The following CBFA2T2 variants were observed in gnomAD, a reference collection of about 807,000 sequenced individuals.
CBFA2T2 encodes protein CBFA2T2.
A neutral mutation model predicts 62.2 loss-of-function variants in CBFA2T2; 11 were observed. That is an observed-to-expected ratio of 0.18 (90% CI 0.11 to 0.29). CBFA2T2 has a LOEUF of 0.29. CBFA2T2 is among the 10% of genes least tolerant of loss of function. The pLI is 1.00. For synonymous variants in CBFA2T2, 295 were observed against 287.5 expected, an observed-to-expected ratio of 1.03 and a Z score of -0.27; for missense variants, 592 against 774.1, an observed-to-expected ratio of 0.76 and a Z score of 2.79.
intron 1 of CBFA2T2, among the ~76,000 whole-genome samples, chr20:33,517,083 C>T (rs1254078744): frequency 6.6e-6 from 1 of 152,202 alleles, no homozygotes; most frequent in African/African-American, 2.4e-5. Context: ...AAGCACCATT[C>T]ACATCCTTTT....
intron 1 of CBFA2T2, among the ~76,000 whole-genome samples, chr20:33,576,042 C>T (rs1422287027): frequency 6.6e-6 from 1 of 152,118 alleles, no homozygotes; most frequent in African/African-American, 2.4e-5. Flanking sequence ...CCACCTTGGC[C>T]TCCCAAAGTG....
chr20:33,621,549 C>G (rs1430535536), intron 4 of CBFA2T2, among the ~76,000 whole-genome samples: 1 of 152,058 alleles, frequency 6.6e-6, no homozygotes, highest in Non-Finnish European at 1.5e-5. Flanking sequence ...GATCCACCCT[C>G]CTTGGCCTCC....
chr20:33,562,433 G>T, intron 1 of CBFA2T2: 1 of 985,894 alleles, frequency 1.0e-6, no homozygotes, highest in Non-Finnish European at 1.2e-6. Context: ...GGTCTGTTTG[G>T]CAGGACCTTC....
chr20:33,530,078 C>T (rs2012015454), intron 1 of CBFA2T2, among the ~76,000 whole-genome samples: 1 of 151,880 alleles, frequency 6.6e-6, no homozygotes, highest in South Asian at 2.1e-4. Flanking sequence ...TGAGCCACCT[C>T]GCCTGGCCTA....
intron 1 of CBFA2T2, among the ~76,000 whole-genome samples, chr20:33,606,195 C>T (rs1316526702): frequency 6.6e-6 from 1 of 152,012 alleles, no homozygotes; most frequent in Non-Finnish European, 1.5e-5. Context: ...TAGATAGTTC[C>T]CATGTTAGCT....
intron 4 of CBFA2T2, among the ~76,000 whole-genome samples, 170 bp from the exon 5 acceptor site, chr20:33,622,945 C>A (rs949649294): frequency 2.6e-5 from 4 of 152,210 alleles, no homozygotes; most frequent in African/African-American, 9.6e-5. Flanking sequence ...ACCAGTAATT[C>A]AAGTGCAGTA....
rs1005710258 is a variant in CBFA2T2, at chr20:33,647,534, T to G, written c.*2888T>G. ...CCGGACCTCAGGTGATCCCCCCACC[T>G]TGGCCTCCCAAAGTGCCAGGATTAC... On this transcript the variant is annotated 3_prime_UTR_variant, in exon 11 of 11. Coordinates refer to ENST00000342704, the MANE Select transcript of CBFA2T2 (RefSeq NM_001032999.3). 4.6e-5 allele frequency: 7 copies of G among 152,314 alleles called. No individual in the cohort carries two copies. The highest frequency in any genetic ancestry group is 4.6e-4 in the Admixed American group (7 of 15,304). 9.4% of individuals were successfully genotyped at this position (152,314 alleles called of 1,614,324 possible).
At position 33,540,801 on chromosome 20, in the gene CBFA2T2, A is replaced by G. The variant is rs116949782; in HGVS notation, c.34+50500A>G. ...AGTGCTGCGTATATAAAGTATGTTA[A>G]TAAATTTGATATCTAGGGTACTTGT... On this transcript the variant is annotated intron_variant, in intron 1 of 10. Transcript: ENST00000342704. Among the ~76,000 whole-genome samples, 180 of 152,304 alleles carry G rather than the reference A, an allele frequency of 1.2e-3. 3 individuals are homozygous for G. The East Asian group carries it at 0.033, about 28-fold the overall frequency.
chr20:33,535,094 C>T (rs1465930912), intron 1 of CBFA2T2, among the ~76,000 whole-genome samples: 1 of 152,178 alleles, frequency 6.6e-6, no homozygotes, highest in African/African-American at 2.4e-5. Flanking sequence ...ATGAGGTGTG[C>T]TGGGCATCCT....
intron 1 of CBFA2T2, among the ~76,000 whole-genome samples, chr20:33,508,961 G>T (rs1008971275): frequency 6.6e-6 from 1 of 152,276 alleles, no homozygotes; most frequent in Non-Finnish European, 1.5e-5. Flanking sequence ...TTAAAGAAAG[G>T]ATTTCTTTGT....
At chr20:33,601,078 A>G (rs550429077) in intron 1 of CBFA2T2, among the ~76,000 whole-genome samples, 14 of 151,184 alleles carry the variant, frequency 9.3e-5, no homozygotes, top group African/African-American at 3.4e-4. Context: ...TTAGTTGTCT[A>G]TTCCTGCATA....
chr20:33,640,554 G>C (rs980660762), intron 10 of CBFA2T2, 23 bp downstream of exon 10: 2 of 1,611,058 alleles, frequency 1.2e-6, no homozygotes, highest in Non-Finnish European at 1.7e-6. Context: ...CGCCCTGGGG[G>C]CTGGGGTGAG....
At chr20:33,530,936 C>T (rs753863288) in intron 1 of CBFA2T2, among the ~76,000 whole-genome samples, 2 of 151,966 alleles carry the variant, frequency 1.3e-5, no homozygotes, top group East Asian at 3.9e-4. Context: ...AAAAATTAGC[C>T]GGGTGTGGTG....
intron 1 of CBFA2T2, among the ~76,000 whole-genome samples, chr20:33,504,633 C>T (rs772645469): frequency 6.6e-6 from 1 of 151,892 alleles, no homozygotes; most frequent in African/African-American, 2.4e-5. Context: ...GAAATCCTGA[C>T]CTCAGGTGAT....
At chr20:33,582,665 G>T (rs1005903335) in intron 1 of CBFA2T2, among the ~76,000 whole-genome samples, 1 of 151,822 alleles carries the variant, frequency 6.6e-6, no homozygotes, top group Non-Finnish European at 1.5e-5. Flanking sequence ...TACTATGCCG[G>T]GTGCGGTGAC....
intron 1 of CBFA2T2, among the ~76,000 whole-genome samples, chr20:33,555,301 G>A (rs2012864608): frequency 6.6e-6 from 1 of 152,026 alleles, no homozygotes; most frequent in Admixed American, 6.6e-5. Flanking sequence ...ATGGCATGTA[G>A]TTGTCATCAT....
At chr20:33,567,874 A>C (rs550818911) in intron 1 of CBFA2T2, among the ~76,000 whole-genome samples, 12 of 152,260 alleles carry the variant, frequency 7.9e-5, no homozygotes, top group African/African-American at 2.9e-4. Flanking sequence ...ATGAGCCACC[A>C]CGCCCAGCCT....
At chr20:33,620,469 G>A (rs1343331974) in intron 4 of CBFA2T2, among the ~76,000 whole-genome samples, 3 of 152,156 alleles carry the variant, frequency 2.0e-5, no homozygotes, top group Non-Finnish European at 4.4e-5. Flanking sequence ...TTGTGCCACT[G>A]CACCCCAGCC....
chr20:33,554,595 C>CTTTTTT (rs1344854548), intron 1 of CBFA2T2, among the ~76,000 whole-genome samples: 2 of 89,480 alleles, frequency 2.2e-5, no homozygotes, highest in Non-Finnish European at 2.3e-5. Context: ...TTTCCTTTTT[C>CTTTTTT]TTTTCTTTTT....
Sources: allele counts gnomAD v4.1 joint callset (sites outside exome capture counted in the v4.1 genomes callset), GRCh38; gene constraint gnomAD v4.1.1; transcripts MANE v1.5; gene names NCBI Gene and HGNC (gene_info 2026-07-23, HGNC 2026-07-21).